Variants in SGCD observed in about 807,000 individuals in gnomAD.
SGCD encodes sarcoglycan delta, also known as delta-sarcoglycan.
A neutral mutation model predicts 36.6 loss-of-function variants in SGCD; 18 were observed. The ratio of observed to expected loss-of-function variants is 0.49; its 90% CI spans 0.34 to 0.73. SGCD has a LOEUF of 0.73. SGCD is among the 30% of genes least tolerant of loss of function. SGCD has a pLI of 0.01. For missense variants in SGCD, 387 were observed against 346.7 expected, an observed-to-expected ratio of 1.12 and a Z score of -0.92; for synonymous variants, 133 against 130.6, an observed-to-expected ratio of 1.02 and a Z score of -0.12.
chr5:155,849,438 G>GCA, the SGCD span, among the ~76,000 whole-genome samples: 1 of 139,556 alleles, frequency 7.2e-6, no homozygotes, highest in South Asian at 2.5e-4. Context: ...ACACACACAT[G>GCA]TGCGCGCGCA....
chr5:156,760,486 A>ATATT lies in SGCD; in HGVS notation c.*1098_*1101dup, dbSNP rs1316941827. ...AACTCTCTGACTTTGTTCTTCTTAT[A>ATATT]TATTTTTTCAGTGCCGGGATATTCA... On this transcript the variant is annotated 3_prime_UTR_variant, in exon 9 of 9. Coordinates refer to ENST00000337851, the MANE Select transcript of SGCD (RefSeq NM_000337.6). 6.6e-6 allele frequency: 1 copy of ATATT among 152,296 alleles called. No individual in the cohort carries two copies. The highest frequency in any genetic ancestry group is 2.4e-5 in the African/African-American group (1 of 41,440). The allele number at this position is 152,296 out of a possible 1,614,324, so 9.4% of individuals were successfully genotyped here.
chr5:156,610,822 G>C (rs1182500468), intron 6 of SGCD, among the ~76,000 whole-genome samples: 1 of 152,236 alleles, frequency 6.6e-6, no homozygotes, highest in Non-Finnish European at 1.5e-5. Flanking sequence ...AGGCTCTGTG[G>C]GCGTAGGACC....
the SGCD span, among the ~76,000 whole-genome samples, chr5:155,766,020 G>T: frequency 2.6e-5 from 4 of 152,052 alleles, no homozygotes; most frequent in Admixed American, 2.6e-4. Flanking sequence ...CATTTTAAAG[G>T]GATCCTACCC....
chr5:156,546,465 T>C (rs1031599255), intron 4 of SGCD, among the ~76,000 whole-genome samples: 1 of 152,198 alleles, frequency 6.6e-6, no homozygotes, highest in Non-Finnish European at 1.5e-5. Context: ...ACTACTACCA[T>C]GGTAGATTCT....
chr5:156,070,756 G>A (rs1418957810), intron 1 of SGCD, among the ~76,000 whole-genome samples: 1 of 152,040 alleles, frequency 6.6e-6, no homozygotes, highest in Non-Finnish European at 1.5e-5. Flanking sequence ...GAATCCATCT[G>A]GTCCTGCACT....
intron 3 of SGCD, among the ~76,000 whole-genome samples, chr5:156,403,653 G>A (rs992862084): frequency 2.0e-5 from 3 of 152,136 alleles, no homozygotes; most frequent in Non-Finnish European, 4.4e-5. Flanking sequence ...GGTCCCTCAT[G>A]CCAGTCATAT....
At chr5:156,313,447 C>G (rs1190946911) in intron 3 of SGCD, among the ~76,000 whole-genome samples, 2 of 151,974 alleles carry the variant, frequency 1.3e-5, no homozygotes, top group Admixed American at 1.3e-4. Context: ...AAGAGAGATA[C>G]TGTCATTAAA....
intron 3 of SGCD, among the ~76,000 whole-genome samples, chr5:156,472,415 A>G (rs1755011812): frequency 6.6e-6 from 1 of 152,184 alleles, no homozygotes; most frequent in Non-Finnish European, 1.5e-5. Flanking sequence ...ACAATGACAC[A>G]GATAATTTTT....
chr5:156,435,164 T>C (rs1753190740), intron 3 of SGCD, among the ~76,000 whole-genome samples: 1 of 152,224 alleles, frequency 6.6e-6, no homozygotes, highest in Non-Finnish European at 1.5e-5. Flanking sequence ...ATAGAAACAG[T>C]TCTTAGGGAT....
At chr5:156,310,877 T>A (rs758588995) in intron 3 of SGCD, among the ~76,000 whole-genome samples, 43 of 152,180 alleles carry the variant, frequency 2.8e-4, no homozygotes, top group Non-Finnish European at 5.3e-4. Context: ...TAATGACTTG[T>A]AATTCTACAG....
At chr5:156,107,921 T>C (rs1482466007) in intron 1 of SGCD, among the ~76,000 whole-genome samples, 1 of 152,162 alleles carries the variant, frequency 6.6e-6, no homozygotes. Context: ...AGTTTGGGAA[T>C]GAACACAGTT....
chr5:156,746,863 AT>A (rs758387399), intron 7 of SGCD, among the ~76,000 whole-genome samples: 2 of 152,114 alleles, frequency 1.3e-5, no homozygotes, highest in Non-Finnish European at 2.9e-5. Context: ...ATAAATTGAA[AT>A]TTATCAAAAT....
chr5:156,506,945 A>G (rs1756727613), intron 3 of SGCD, among the ~76,000 whole-genome samples: 2 of 152,168 alleles, frequency 1.3e-5, no homozygotes, highest in Admixed American at 1.3e-4. Flanking sequence ...ACCAGTTTGA[A>G]ACCTCTAGTG....
chr5:156,162,046 A>G (rs111427704), intron 3 of SGCD, among the ~76,000 whole-genome samples: 2 of 145,474 alleles, frequency 1.4e-5, no homozygotes, highest in South Asian at 4.8e-4. Flanking sequence ...TCCTTACCCT[A>G]GATTCTCTAG....
intron 3 of SGCD, among the ~76,000 whole-genome samples, chr5:156,309,976 A>T (rs892030455): frequency 6.6e-6 from 1 of 152,138 alleles, no homozygotes; most frequent in African/African-American, 2.4e-5. Context: ...TCTAATAATG[A>T]GGAAAATCTG....
intron 3 of SGCD, among the ~76,000 whole-genome samples, chr5:156,423,365 ATTATATTTTATTATAATATAAT>A (rs1773494400): frequency 2.8e-5 from 3 of 107,754 alleles, no homozygotes; most frequent in African/African-American, 1.2e-4. Flanking sequence ...ATTATAATAT[ATTATATTTTATTATAATATAAT>A]ATATTATATT....
In SGCD at chr5:156,344,489, A is replaced by G; in HGVS notation, c.4A>G (p.Met2Val). 5 of 1,551,710 alleles carry G rather than the reference A, an allele frequency of 3.2e-6. No individual in the cohort carries two copies. Among genetic ancestry groups the G allele is most frequent in the Non-Finnish European group, 4.3e-6 (5 of 1,157,992 alleles). ...TTCTCTCTTGCCTCGTTTATTTCAGATGCCTCAGGAGCAGTACACTCACCA... is the reference window on the plus strand; with the variant it reads ...TTCTCTCTTGCCTCGTTTATTTCAGGTGCCTCAGGAGCAGTACACTCACCA... Reference protein sequence around the residue: MMPQEQYTHHRS... With the variant: MVPQEQYTHHRS... The change falls in exon 3 of 9, where the codon ATG becomes GTG. Residue 2 changes from methionine to valine, a missense_variant and splice_region_variant. Physicochemically the swap from Met to Val is conservative, Grantham distance 21 (BLOSUM62 1). Coordinates refer to ENST00000337851, the MANE Select transcript of SGCD (RefSeq NM_000337.6).
intron 3 of SGCD, among the ~76,000 whole-genome samples, chr5:156,194,200 A>T (rs1003941244): frequency 5.3e-5 from 8 of 152,020 alleles, no homozygotes; most frequent in African/African-American, 1.7e-4. Flanking sequence ...ACATGGCAAA[A>T]CCCCATCTCT....
intron 3 of SGCD, among the ~76,000 whole-genome samples, chr5:156,414,203 T>G (rs1772913342): frequency 6.6e-6 from 1 of 152,222 alleles, no homozygotes. Context: ...CAGTCTAAAG[T>G]GGTTCCACAA....
Sources: allele counts gnomAD v4.1 joint callset (sites outside exome capture counted in the v4.1 genomes callset), GRCh38; gene constraint gnomAD v4.1.1; transcripts MANE v1.5; gene names NCBI Gene and HGNC (gene_info 2026-07-23, HGNC 2026-07-21).